The following MVB12B variants were observed in gnomAD, a reference collection of about 807,000 sequenced individuals.
The protein encoded by MVB12B is ESCRT-I complex subunit MVB12B.
A neutral mutation model predicts 41.6 loss-of-function variants in MVB12B; 16 were observed. That is an observed-to-expected ratio of 0.38 (90% confidence interval 0.26 to 0.58). The LOEUF is 0.58. Among genes scored for constraint, MVB12B ranks in the 20% least tolerant of loss-of-function variants. The pLI is 0.62. For missense variants in MVB12B, 274 were observed against 380.2 expected (o/e 0.72, Z 2.32); for synonymous variants, 133 against 139.7 (o/e 0.95, Z 0.34).
At chr9:126,409,841 T>G (rs564792114) in intron 6 of MVB12B, among the ~76,000 whole-genome samples, 2 of 152,214 alleles carry the variant, frequency 1.3e-5, no homozygotes, top group Non-Finnish European at 2.9e-5. Context: ...TCACCCTAAT[T>G]AAATATTCAA....
intron 7 of MVB12B, among the ~76,000 whole-genome samples, chr9:126,450,956 G>T (rs1832877091): frequency 6.6e-6 from 1 of 152,202 alleles, no homozygotes; most frequent in Admixed American, 6.5e-5. Flanking sequence ...AGCCCAAAAG[G>T]GGACACATTA....
At chr9:126,412,997 A>G (rs2119063590) in intron 6 of MVB12B, among the ~76,000 whole-genome samples, 1 of 152,198 alleles carries the variant, frequency 6.6e-6, no homozygotes, top group Non-Finnish European at 1.5e-5. Context: ...CCTCTTATTG[A>G]TGGTCATTGG....
rs766962437 is a variant in MVB12B, at chr9:126,392,376, C to T, written c.539+181C>T. Among the ~76,000 whole-genome samples the T allele has an allele frequency of 2.0e-5, 3 of 152,222 alleles. No individual in the cohort carries two copies. Among genetic ancestry groups the T allele is most frequent in the East Asian group, 1.9e-4 (1 of 5,190 alleles). ...GCTGCGGTCTCTCTGAGCCTCGGCT[C>T]GCACTGCTGACTCCACCTTAGGGCC... On this transcript the variant is annotated intron_variant, in intron 5 of 9. Transcript: ENST00000361171. This position sits in a 1 kb window ranked among gnomAD's most constrained non-coding sequence, Gnocchi z 4.8.
At chr9:126,409,709 C>T (rs927756172) in intron 6 of MVB12B, among the ~76,000 whole-genome samples, 1 of 152,192 alleles carries the variant, frequency 6.6e-6, no homozygotes, top group African/African-American at 2.4e-5. Context: ...AGGCAACCTC[C>T]CCTGCGGAGC....
Position 126,483,045 on chromosome 9 carries a change from C to G in MVB12B, c.814-928C>G, listed in dbSNP as rs1431364319. ...GAAACCCCTGCTGGCTTCGCGGAGGCTCCAGCTCCCCTCCCATCCCTGAGC... is the reference window on the plus strand; with the variant it reads ...GAAACCCCTGCTGGCTTCGCGGAGGGTCCAGCTCCCCTCCCATCCCTGAGC... On this transcript the variant is annotated intron_variant, in intron 8 of 9. Transcript: ENST00000361171. Among the ~76,000 whole-genome samples, 6 of 152,372 alleles carry G rather than the reference C, an allele frequency of 3.9e-5. No individual in the cohort carries two copies. In the East Asian group the frequency reaches 1.2e-3, roughly 29 times the overall value.
chr9:126,412,504 A>C (rs1831681040), intron 6 of MVB12B, among the ~76,000 whole-genome samples: 1 of 152,216 alleles, frequency 6.6e-6, no homozygotes, highest in Admixed American at 6.5e-5. Flanking sequence ...AGCACCAAGC[A>C]CCACCACGCT....
At chr9:126,503,077 C>G in intron 9 of MVB12B, 100 bp from the exon 10 acceptor site, 1 of 1,073,444 alleles carries the variant, frequency 9.3e-7, no homozygotes, top group Non-Finnish European at 1.4e-6. Flanking sequence ...CCCCACGAGG[C>G]GGCCCAGGCC....
At chr9:126,483,442 T>C (rs1194567001) in intron 8 of MVB12B, among the ~76,000 whole-genome samples, 1 of 152,236 alleles carries the variant, frequency 6.6e-6, no homozygotes. Context: ...TTGTTTCATT[T>C]ACCTGGCATT....
chr9:126,332,119 G>A lies in MVB12B; in HGVS notation c.81+5109G>A, dbSNP rs143013345. The stretch of plus-strand genomic sequence containing the variant: ...AGCAGTCCCTGTGTGTTCACACCAC[G>A]GTGCCTTTGTTGAGGCTGTGTCATC... On this transcript the variant is annotated intron_variant, in intron 1 of 9. Transcript: ENST00000361171. Among the ~76,000 whole-genome samples the A allele has an allele frequency of 3.4e-4, 52 of 152,150 alleles. No homozygotes were observed. The East Asian group carries it at 5.6e-3, about 16-fold the overall frequency.
At chr9:126,496,608 G>A (rs1467012455) in intron 9 of MVB12B, among the ~76,000 whole-genome samples, 3 of 152,000 alleles carry the variant, frequency 2.0e-5, no homozygotes, top group South Asian at 2.1e-4. Context: ...GAAGGAACAC[G>A]CTTCCCAGAG....
intron 6 of MVB12B, among the ~76,000 whole-genome samples, chr9:126,414,050 C>T (rs1831735617): frequency 6.6e-6 from 1 of 152,168 alleles, no homozygotes; most frequent in Non-Finnish European, 1.5e-5. Context: ...AAAATTCACA[C>T]AGACCTGGAA....
At chr9:126,477,710 C>T (rs958653922) in intron 7 of MVB12B, among the ~76,000 whole-genome samples, 61 of 152,324 alleles carry the variant, frequency 4.0e-4, no homozygotes, top group African/African-American at 1.3e-3. Flanking sequence ...TCCCACAACT[C>T]GTGGGGATTA....
rs967686882 is a variant in MVB12B at position 126,506,548 on chromosome 9, T to C, written c.*3285T>C. 3.3e-5 allele frequency: 5 copies of C among 152,242 alleles called. No individual in the cohort carries two copies. In the South Asian group the frequency reaches 6.2e-4, roughly 19 times the overall value. 9.4% of individuals were successfully genotyped at this position (152,242 alleles called of 1,614,324 possible). ...GCCTGCCCGTACTCCTCCACCCAGA[T>C]GAGGGCCCTCCAGAGCCTGCAGGCA... is the stretch of plus-strand genomic sequence containing the variant. On this transcript the variant is annotated 3_prime_UTR_variant, in exon 10 of 10. Transcript: ENST00000361171.
intron 7 of MVB12B, among the ~76,000 whole-genome samples, chr9:126,454,577 A>T (rs79127624): frequency 0.023 from 3,538 of 152,352 alleles, 54 homozygotes; most frequent in Middle Eastern, 0.034. Flanking sequence ...CTATTCAAGC[A>T]TCAGGATACA....
intron 1 of MVB12B, among the ~76,000 whole-genome samples, chr9:126,336,327 G>A (rs1027567507): frequency 3.3e-5 from 5 of 152,376 alleles, no homozygotes; most frequent in Non-Finnish European, 5.9e-5. Flanking sequence ...TTTTCTCCCA[G>A]ACTGGGGCCG....
chr9:126,354,557 C>T (rs886424491), intron 2 of MVB12B, among the ~76,000 whole-genome samples: 14 of 152,272 alleles, frequency 9.2e-5, no homozygotes, highest in African/African-American at 3.1e-4. Context: ...CCACTGTAAG[C>T]GAGTGATCCA....
chr9:126,436,577 A>G lies in MVB12B; in HGVS notation c.757+14629A>G, dbSNP rs1832484108. On this transcript the variant is annotated intron_variant, in intron 7 of 9. Coordinates refer to ENST00000361171, the MANE Select transcript of MVB12B (RefSeq NM_033446.3). The surrounding 1 kb of genome is among the most constrained non-coding windows in gnomAD (Gnocchi z 4.1). Reference sequence around the variant, plus strand: ...TTTCATTTGTAAATGCTTTAGCTACATGTATGTGTATGTATGCAACTTGCA... The same window carrying G: ...TTTCATTTGTAAATGCTTTAGCTACGTGTATGTGTATGTATGCAACTTGCA... Among the ~76,000 whole-genome samples the G allele has an allele frequency of 6.6e-6, 1 of 152,228 alleles. No homozygotes were observed. The highest frequency in any genetic ancestry group is 2.4e-5 in the African/African-American group (1 of 41,474).
At chr9:126,433,557 T>C (rs1476549638) in intron 7 of MVB12B, among the ~76,000 whole-genome samples, 1 of 152,078 alleles carries the variant, frequency 6.6e-6, no homozygotes, top group Non-Finnish European at 1.5e-5. Flanking sequence ...TCCTGTTCCG[T>C]GAGTCCCTGT....
intron 3 of MVB12B, 91 bp downstream of exon 3, chr9:126,381,262 T>A: frequency 1.1e-6 from 1 of 886,498 alleles, no homozygotes; most frequent in Non-Finnish European, 1.8e-6. Context: ...TGTTGTGGTT[T>A]ATTTTCATTG....
Sources: gnomAD v4.1 joint callset for allele counts (sites outside exome capture counted in the v4.1 genomes callset) on GRCh38, gnomAD v4.1.1 for gene constraint, Gnocchi (gnomAD v3.1) non-coding constraint, MANE v1.5 for transcripts, NCBI Gene and HGNC (gene_info 2026-07-23, HGNC 2026-07-21) for gene names.